Variants in LIN7A observed in about 807,000 individuals in gnomAD.
LIN7A encodes the protein lin-7 cell polarity scaffold A.
Under a neutral mutation model 29.8 loss-of-function variants are expected in LIN7A, and 25 were observed. The observed-to-expected ratio is 0.84, with a 90% CI of 0.61 to 1.17. The LOEUF (loss-of-function observed/expected upper bound fraction) is 1.17. Among genes scored for constraint, LIN7A ranks in the 50% most tolerant of loss-of-function variants. The pLI is 0.00. For missense variants in LIN7A, 239 were observed against 287.0 expected (o/e 0.83, Z 1.21); for synonymous variants, 118 against 107.5 (o/e 1.10, Z -0.60).
intron 5 of LIN7A, among the ~76,000 whole-genome samples, chr12:80,810,356 C>G (rs1428488273): frequency 6.6e-6 from 1 of 150,664 alleles, no homozygotes; most frequent in Non-Finnish European, 1.5e-5. Context: ...AATGACATTT[C>G]CTGCTTTTTA....
intron 1 of LIN7A, among the ~76,000 whole-genome samples, chr12:80,913,399 A>T (rs1169502642): frequency 2.6e-5 from 4 of 152,238 alleles, no homozygotes; most frequent in African/African-American, 9.6e-5. Flanking sequence ...AGACAAGCAC[A>T]GTTCTAAGAA....
chr12:80,807,091 T>TTTTTTTTTTTTTTTTTG (rs1871075684), intron 5 of LIN7A, among the ~76,000 whole-genome samples: 1 of 143,550 alleles, frequency 7.0e-6, no homozygotes, highest in Admixed American at 7.0e-5. Flanking sequence ...TTTTTTTTTT[T>TTTTTTTTTTTTTTTTTG]GACGGAGTCT....
chr12:80,857,687 G>GA (rs1281848932), intron 2 of LIN7A, among the ~76,000 whole-genome samples: 2 of 152,080 alleles, frequency 1.3e-5, no homozygotes, highest in Non-Finnish European at 2.9e-5. Context: ...TGTGAAAATG[G>GA]TTTTACCAGA....
intron 4 of LIN7A, among the ~76,000 whole-genome samples, chr12:80,843,828 G>A (rs10862200): frequency 0.4 from 60,133 of 151,702 alleles, 12,078 homozygotes; most frequent in Non-Finnish European, 0.42. Flanking sequence ...GGTAACTGCC[G>A]CCTCCCAGGT....
chr12:80,893,889 T>G (rs1380748898), intron 1 of LIN7A, among the ~76,000 whole-genome samples: 1 of 152,120 alleles, frequency 6.6e-6, no homozygotes, highest in Non-Finnish European at 1.5e-5. Context: ...ATGTCAGGGA[T>G]ACACAGCAGG....
intron 2 of LIN7A, among the ~76,000 whole-genome samples, chr12:80,888,747 T>C (rs1409920337): frequency 6.6e-6 from 1 of 152,170 alleles, no homozygotes; most frequent in Non-Finnish European, 1.5e-5. Flanking sequence ...TTCACCTTAG[T>C]CTTCTTGAAA....
rs1378637950 is a variant in LIN7A at position 80,854,485 on chromosome 12, CCAAAA to C, written c.202-6168_202-6164del. 3.2e-3 allele frequency among the ~76,000 whole-genome samples: 118 copies of C among 37,108 alleles called. No individual in the cohort carries two copies. The Middle Eastern group carries it at 0.12, about 39-fold the overall frequency. 24.3% of individuals were successfully genotyped at this position (37,108 alleles called of 152,430 possible). A position where few individuals can be genotyped will look rare whatever the true frequency, so the allele number is the denominator to read the frequency against. On this transcript the variant is annotated intron_variant, in intron 2 of 5. Transcript: ENST00000552864. The stretch of plus-strand genomic sequence containing the variant: ...TGAATCTGAAATGCATGTTGCTAAG[CCAAAA>C]AAAAAAAAAAAAAAAAAAGCCAGAC...
chr12:80,882,974 C>T (rs1200785274), intron 2 of LIN7A, among the ~76,000 whole-genome samples: 1 of 152,172 alleles, frequency 6.6e-6, no homozygotes, highest in African/African-American at 2.4e-5. Context: ...TGTCACCATC[C>T]ATTGCCAATA....
At chr12:80,879,833 G>A (rs899353202) in intron 2 of LIN7A, among the ~76,000 whole-genome samples, 3 of 152,010 alleles carry the variant, frequency 2.0e-5, no homozygotes, top group Admixed American at 6.6e-5. Context: ...CCTATCAGTC[G>A]GAGCAGAGCA....
chr12:80,835,348 A>G (rs892933919), intron 4 of LIN7A, among the ~76,000 whole-genome samples: 1 of 152,098 alleles, frequency 6.6e-6, no homozygotes, highest in South Asian at 2.1e-4. Context: ...TACTATTAGG[A>G]AAGGTAGACA....
intron 5 of LIN7A, among the ~76,000 whole-genome samples, chr12:80,807,280 C>T (rs1565884086): frequency 6.6e-6 from 1 of 151,888 alleles, no homozygotes; most frequent in Non-Finnish European, 1.5e-5. Flanking sequence ...CCGAATTAGC[C>T]AGGATGGTCT....
chr12:80,850,167 T>G (rs1873260773), intron 2 of LIN7A, among the ~76,000 whole-genome samples: 1 of 152,118 alleles, frequency 6.6e-6, no homozygotes, highest in Non-Finnish European at 1.5e-5. Flanking sequence ...AGCAATACTG[T>G]GTAGTAGATA....
intron 4 of LIN7A, among the ~76,000 whole-genome samples, chr12:80,824,471 C>T (rs1374349591): frequency 6.6e-6 from 1 of 152,078 alleles, no homozygotes; most frequent in Non-Finnish European, 1.5e-5. Context: ...CTTATTAACA[C>T]TATTCCACAA....
chr12:80,918,500 G>C (rs1014795246), intron 1 of LIN7A, among the ~76,000 whole-genome samples: 1 of 152,006 alleles, frequency 6.6e-6, no homozygotes, highest in Non-Finnish European at 1.5e-5. Flanking sequence ...GGGCTGTCTG[G>C]GACCCCTTGC....
At chr12:80,835,254 A>T (rs1348599674) in intron 4 of LIN7A, among the ~76,000 whole-genome samples, 1 of 152,190 alleles carries the variant, frequency 6.6e-6, no homozygotes, top group Non-Finnish European at 1.5e-5. Flanking sequence ...TAATAATAAT[A>T]TACAGCAACA....
intron 2 of LIN7A, among the ~76,000 whole-genome samples, chr12:80,852,357 A>G (rs1401732708): frequency 1.3e-5 from 2 of 152,134 alleles, no homozygotes; most frequent in Non-Finnish European, 2.9e-5. Flanking sequence ...GAAAACCCTA[A>G]TTGGTACAGA....
intron 1 of LIN7A, among the ~76,000 whole-genome samples, chr12:80,890,985 C>T (rs1332662618): frequency 6.6e-6 from 1 of 152,038 alleles, no homozygotes; most frequent in Non-Finnish European, 1.5e-5. Context: ...CTAAAACTCG[C>T]TCTTCTTTTC....
At chr12:80,875,629 C>A (rs1270926091) in intron 2 of LIN7A, among the ~76,000 whole-genome samples, 1 of 152,130 alleles carries the variant, frequency 6.6e-6, no homozygotes, top group Non-Finnish European at 1.5e-5. Flanking sequence ...CTCAGAGTCC[C>A]ATTTGATAAT....
At chr12:80,830,686 C>T (rs771054659) in intron 4 of LIN7A, among the ~76,000 whole-genome samples, 2 of 152,070 alleles carry the variant, frequency 1.3e-5, no homozygotes, top group Admixed American at 6.6e-5. Flanking sequence ...GAATTACTAA[C>T]ACTGAACTCA....
Sources: allele counts gnomAD v4.1 joint callset (sites outside exome capture counted in the v4.1 genomes callset), GRCh38; gene constraint gnomAD v4.1.1; transcripts MANE v1.5; gene names NCBI Gene and HGNC (gene_info 2026-07-23, HGNC 2026-07-21).